DRC1: variants seen among roughly 807,000 people sequenced by gnomAD.
DRC1 encodes the protein dynein regulatory complex subunit 1, also known as dynein regulatory complex protein 1.
In DRC1, 74 loss-of-function variants were observed where a neutral mutation model predicts 98.7. That is an observed-to-expected ratio of 0.75 (90% CI 0.62 to 0.91). The LOEUF (loss-of-function observed/expected upper bound fraction) is 0.91. Ranked by LOEUF, DRC1 falls within the 40% of genes least tolerant of loss-of-function variation. The pLI is 0.00. For missense variants in DRC1, 875 were observed against 886.0 expected (o/e 0.99, Z 0.16); for synonymous variants, 336 against 334.1 (o/e 1.01, Z -0.06).
Position 26,453,376 on chromosome 2 carries a change from G to C in DRC1, c.1746G>C (p.Thr582=), listed in dbSNP as rs148569358. 6.1e-5 allele frequency: 99 copies of C among 1,614,084 alleles called. 2 individuals are homozygous for C. The African/African-American group carries it at 1.1e-3, about 18-fold the overall frequency. The change falls in exon 14 of 17, where the codon ACG becomes ACC. Residue 582 remains threonine (T), a synonymous_variant. Transcript: ENST00000288710. The part of the protein sequence containing the change: ...MEKASMEETS[T]RSELELAEQT... ...AGGCGAGCATGGAGGAGACAAGCAC[G>C]AGGTCAGAATTGGAGCTGGCAGAGC...
intron 1 of DRC1, among the ~76,000 whole-genome samples, chr2:26,405,162 C>T (rs562079065): frequency 2.0e-5 from 3 of 152,304 alleles, no homozygotes; most frequent in Non-Finnish European, 2.9e-5. Context: ...TACCAGCGTG[C>T]ACCCTTAGCC....
At chr2:26,402,857 T>G (rs1269043527) in intron 1 of DRC1, among the ~76,000 whole-genome samples, 1 of 152,222 alleles carries the variant, frequency 6.6e-6, no homozygotes, top group East Asian at 1.9e-4. Context: ...CCTGGCTGAT[T>G]GCTGCGGGGC....
At chr2:26,403,277 G>A (rs553577374) in intron 1 of DRC1, among the ~76,000 whole-genome samples, 3 of 152,196 alleles carry the variant, frequency 2.0e-5, no homozygotes, top group Admixed American at 6.5e-5. Flanking sequence ...TTGGCGCATC[G>A]TTATCACTTG....
intron 4 of DRC1, among the ~76,000 whole-genome samples, chr2:26,429,286 G>A (rs1263458800): frequency 6.6e-6 from 1 of 151,718 alleles, no homozygotes; most frequent in Non-Finnish European, 1.5e-5. Flanking sequence ...TGCAATCATG[G>A]CTCACTGTAG....
At chr2:26,418,469 G>T (rs1340617173) in intron 2 of DRC1, among the ~76,000 whole-genome samples, 1 of 138,558 alleles carries the variant, frequency 7.2e-6, no homozygotes, top group Non-Finnish European at 1.5e-5. Context: ...TTGTCATAAA[G>T]GTATTGTGAT....
At chr2:26,452,038 G>C (rs1317765229) in intron 13 of DRC1, among the ~76,000 whole-genome samples, 1 of 151,488 alleles carries the variant, frequency 6.6e-6, no homozygotes, top group African/African-American at 2.4e-5. Flanking sequence ...CTTGTAATAA[G>C]AGAAATGCAA....
In DRC1 at chr2:26,455,087, G is replaced by T. The variant is rs768825370; in HGVS notation, c.2064-44G>T. ...AGACCCTGGCCCCTACTTGGCAGAGGATGGAGGATTCAGTGAGCCTCTAAC... is the reference window on the plus strand; with the variant it reads ...AGACCCTGGCCCCTACTTGGCAGAGTATGGAGGATTCAGTGAGCCTCTAAC... On this transcript the variant is annotated intron_variant, in intron 15 of 16. Coordinates refer to ENST00000288710, the MANE Select transcript of DRC1 (RefSeq NM_145038.5). 63 of 1,605,498 alleles carry T rather than the reference G, an allele frequency of 3.9e-5. 1 individual carries two copies. Among genetic ancestry groups the T allele is most frequent in the Non-Finnish European group, 5.2e-5 (61 of 1,172,568 alleles).
chr2:26,432,495 T>A (rs180962233), intron 7 of DRC1, among the ~76,000 whole-genome samples: 10 of 131,418 alleles, frequency 7.6e-5, no homozygotes, highest in Non-Finnish European at 1.4e-4. Flanking sequence ...CAAGACTTTG[T>A]GAGAAAGAGA....
rs183807890 is a variant in DRC1 at position 26,437,824 on chromosome 2, C to G, written c.889-2554C>G. Among the ~76,000 whole-genome samples the G allele has an allele frequency of 1.8e-4, 27 of 151,876 alleles. No homozygotes were observed. The East Asian group carries it at 4.6e-3, about 26-fold the overall frequency. ...AAGCGGCATAGTATATAAAAGTATT[C>G]TAGCCTGTAATCCCAGCACTTTGGG... On this transcript the variant is annotated intron_variant, in intron 7 of 16. Coordinates refer to ENST00000288710, the MANE Select transcript of DRC1 (RefSeq NM_145038.5).
intron 2 of DRC1, among the ~76,000 whole-genome samples, chr2:26,414,695 G>T (rs1157565824): frequency 6.6e-6 from 1 of 152,160 alleles, no homozygotes; most frequent in Non-Finnish European, 1.5e-5. Flanking sequence ...TAGCTTGGGC[G>T]CTCAAGGCCT....
chr2:26,454,398 G>A lies in DRC1; in HGVS notation c.1920-249G>A, dbSNP rs1039906559. The stretch of plus-strand genomic sequence containing the variant: ...AGTGATGAGCTGTAAAGCCAGTGAG[G>A]TAAACTGATTGGGAGAGAGAGGGGT... On this transcript the variant is annotated intron_variant, in intron 14 of 16. Transcript: ENST00000288710. The surrounding 1 kb of genome is among the most constrained non-coding windows in gnomAD (Gnocchi z 5.2). 6.6e-6 allele frequency among the ~76,000 whole-genome samples: 1 copy of A among 152,192 alleles called. No homozygotes were observed. Among genetic ancestry groups the A allele is most frequent in the African/African-American group, 2.4e-5 (1 of 41,446 alleles).
intron 2 of DRC1, among the ~76,000 whole-genome samples, chr2:26,420,038 C>A (rs1339205303): frequency 6.6e-6 from 1 of 152,188 alleles, no homozygotes; most frequent in African/African-American, 2.4e-5. Context: ...GTCCAGGGCT[C>A]ACATGGATGG....
chr2:26,411,741 G>A (rs772829228), intron 1 of DRC1, among the ~76,000 whole-genome samples: 13 of 151,918 alleles, frequency 8.6e-5, no homozygotes, highest in Non-Finnish European at 5.9e-5. Context: ...AGGTTGCAGT[G>A]AGCCGAGATG....
chr2:26,409,815 G>A (rs1202389470), intron 1 of DRC1, among the ~76,000 whole-genome samples: 1 of 151,960 alleles, frequency 6.6e-6, no homozygotes, highest in Admixed American at 6.6e-5. Context: ...TTTTTTCATA[G>A]GCTTTTTAGT....
chr2:26,450,822 T>TG, intron 13 of DRC1, 141 bp downstream of exon 13: 1 of 582,028 alleles, frequency 1.7e-6, no homozygotes, highest in Non-Finnish European at 2.6e-6. Flanking sequence ...GGTGGTTTGC[T>TG]GCACCCATCA....
At chr2:26,441,179 C>T (rs1663708591) in intron 8 of DRC1, among the ~76,000 whole-genome samples, 2 of 152,206 alleles carry the variant, frequency 1.3e-5, no homozygotes, top group South Asian at 2.1e-4. Context: ...TTCTAAGTTT[C>T]AGACCATTGT....
At chr2:26,418,860 T>C (rs1304316774) in intron 2 of DRC1, among the ~76,000 whole-genome samples, 1 of 139,884 alleles carries the variant, frequency 7.1e-6, no homozygotes. Context: ...TTATATATTA[T>C]ATATACAACA....
intron 13 of DRC1, among the ~76,000 whole-genome samples, chr2:26,452,110 T>G (rs762171789): frequency 1.4e-4 from 21 of 150,342 alleles, no homozygotes; most frequent in Non-Finnish European, 2.5e-4. Context: ...AAAAAAAGCT[T>G]GATAACACAG....
chr2:26,421,489 G>A, intron 3 of DRC1, 89 bp downstream of exon 3: 1 of 1,023,756 alleles, frequency 9.8e-7, no homozygotes, highest in Admixed American at 2.2e-5. Flanking sequence ...GGGTGACTTT[G>A]TCCACCTTAG....
Sources: allele counts gnomAD v4.1 joint callset (sites outside exome capture counted in the v4.1 genomes callset), GRCh38; gene constraint gnomAD v4.1.1; non-coding constraint Gnocchi (gnomAD v3.1); transcripts MANE v1.5; gene names NCBI Gene and HGNC (gene_info 2026-07-23, HGNC 2026-07-21).